The following FSTL4 variants were observed in gnomAD, a reference collection of about 807,000 sequenced individuals.
FSTL4 encodes follistatin like 4, also known as follistatin-related protein 4.
Under a neutral mutation model 78.2 loss-of-function variants are expected in FSTL4, and 28 were observed. The ratio of observed to expected loss-of-function variants is 0.36; its 90% CI spans 0.27 to 0.49. FSTL4 has a LOEUF of 0.49. FSTL4 is among the 20% of genes least tolerant of loss of function. The pLI, the probability that FSTL4 is intolerant of heterozygous loss-of-function variation, is 0.98. For synonymous variants in FSTL4, 422 were observed against 440.5 expected (o/e 0.96, Z 0.53); for missense variants, 922 against 1,084.9 (o/e 0.85, Z 2.11).
chr5:133,814,979 C>T, the FSTL4 span, among the ~76,000 whole-genome samples: 1 of 152,186 alleles, frequency 6.6e-6, no homozygotes, highest in African/African-American at 2.4e-5. Flanking sequence ...AAATCCAGCT[C>T]GCATCAGAAC....
intron 4 of FSTL4, among the ~76,000 whole-genome samples, chr5:133,376,888 CAAA>C (rs56667792): frequency 9.9e-4 from 126 of 127,724 alleles, no homozygotes; most frequent in Admixed American, 1.2e-3. Flanking sequence ...GAGTCTGTCT[CAAA>C]AAAAAAAAAA....
chr5:133,224,853 A>G (rs1751274301), intron 10 of FSTL4, among the ~76,000 whole-genome samples: 1 of 152,212 alleles, frequency 6.6e-6, no homozygotes, highest in African/African-American at 2.4e-5. Flanking sequence ...CAGGGCATAC[A>G]GCAAGTAAAA....
chr5:133,517,479 C>A (rs9968765), intron 3 of FSTL4, among the ~76,000 whole-genome samples: 5 of 55,550 alleles, frequency 9.0e-5, no homozygotes, highest in African/African-American at 4.0e-4. Flanking sequence ...CACACACACA[C>A]CACACACACA....
At chr5:133,599,832 C>A (rs1760818789) in intron 2 of FSTL4, among the ~76,000 whole-genome samples, 2 of 151,846 alleles carry the variant, frequency 1.3e-5, no homozygotes, top group Non-Finnish European at 1.5e-5. Flanking sequence ...CGCCACAGCA[C>A]CCAGGCTGCA....
chr5:133,429,007 C>T (rs1756882826), intron 3 of FSTL4, among the ~76,000 whole-genome samples: 1 of 152,218 alleles, frequency 6.6e-6, no homozygotes, highest in African/African-American at 2.4e-5. Flanking sequence ...GTTATTTCTT[C>T]CTGGCCCTAG....
At chr5:133,403,158 G>A (rs60389160) in intron 3 of FSTL4, among the ~76,000 whole-genome samples, 3,256 of 152,366 alleles carry the variant, frequency 0.021, 132 homozygotes, top group African/African-American at 0.075. Context: ...GACAGGGCCA[G>A]GACGCAGAGC....
At chr5:133,360,265 C>A (rs1755039963) in intron 4 of FSTL4, among the ~76,000 whole-genome samples, 1 of 152,206 alleles carries the variant, frequency 6.6e-6, no homozygotes, top group Non-Finnish European at 1.5e-5. Flanking sequence ...GTTCCTTGAC[C>A]TTTTAAAGCC....
intron 3 of FSTL4, among the ~76,000 whole-genome samples, chr5:133,533,977 A>G (rs1485240380): frequency 2.6e-5 from 4 of 152,014 alleles, no homozygotes; most frequent in Non-Finnish European, 5.9e-5. Context: ...AATACTGTAC[A>G]TTGGGCCTAA....
chr5:133,522,661 G>T, intron 3 of FSTL4, among the ~76,000 whole-genome samples: 1 of 152,172 alleles, frequency 6.6e-6, no homozygotes, highest in East Asian at 1.9e-4. Context: ...TTTAAATTAA[G>T]CTAATTGATT....
In FSTL4 at chr5:133,467,682, G is replaced by A. The variant is rs1757744707; in HGVS notation, c.161-66696C>T. On this transcript the variant is annotated intron_variant, in intron 3 of 15. Coordinates refer to ENST00000265342, the MANE Select transcript of FSTL4 (RefSeq NM_015082.2). ...GCAGGCAAGGGGGAGAGAAGGGCAG[G>A]AGTTCCCTCAGAGAAGCCAGGAGTA... Among the ~76,000 whole-genome samples, 4 of 152,152 alleles carry A rather than the reference G, an allele frequency of 2.6e-5. No homozygotes were observed. The South Asian group carries it at 8.3e-4, about 32-fold the overall frequency.
intron 4 of FSTL4, among the ~76,000 whole-genome samples, chr5:133,363,292 G>T (rs951485914): frequency 6.6e-6 from 1 of 152,162 alleles, no homozygotes; most frequent in Non-Finnish European, 1.5e-5. Context: ...TTCCATGAGT[G>T]GGGGTGTTCC....
chr5:133,443,806 G>C lies in FSTL4; in HGVS notation c.161-42820C>G, dbSNP rs144498779. Among the ~76,000 whole-genome samples the C allele has an allele frequency of 3.2e-3, 482 of 152,278 alleles. 3 individuals are homozygous for C. Among genetic ancestry groups the C allele is most frequent in the African/African-American group, 0.011 (452 of 41,552 alleles). ...CACCATATTCCAGCCACACTTCACTGTCTGCGGAAACCCACTACCCCATAT... is the reference window on the plus strand; with the variant it reads ...CACCATATTCCAGCCACACTTCACTCTCTGCGGAAACCCACTACCCCATAT... On this transcript the variant is annotated intron_variant, in intron 3 of 15. Coordinates refer to ENST00000265342, the MANE Select transcript of FSTL4 (RefSeq NM_015082.2).
chr5:133,738,163 C>T, the FSTL4 span, among the ~76,000 whole-genome samples: 20 of 152,176 alleles, frequency 1.3e-4, no homozygotes, highest in Non-Finnish European at 2.1e-4. Flanking sequence ...GGACTTCTAC[C>T]TCCCAACATC....
chr5:133,636,175 C>G, the FSTL4 span, among the ~76,000 whole-genome samples: 1 of 152,164 alleles, frequency 6.6e-6, no homozygotes, highest in Non-Finnish European at 1.5e-5. Context: ...ATATTCAAGG[C>G]AAGACCAAGA....
At chr5:133,810,121 G>A in the FSTL4 span, among the ~76,000 whole-genome samples, 1 of 152,238 alleles carries the variant, frequency 6.6e-6, no homozygotes, top group Non-Finnish European at 1.5e-5. Context: ...GGGAGAGCCT[G>A]GGAATGACAC....
Position 133,363,805 on chromosome 5 carries a change from T to C in FSTL4, c.409+36933A>G, listed in dbSNP as rs931575038. ...TTCACATCCCAAGGGTTGTCTAAAA[T>C]GAGGGCTGCCCACACCCTGCCCACC... On this transcript the variant is annotated intron_variant, in intron 4 of 15. Transcript: ENST00000265342. 1.8e-4 allele frequency among the ~76,000 whole-genome samples: 27 copies of C among 152,110 alleles called. 1 individual carries two copies. Among genetic ancestry groups the C allele is most frequent in the Non-Finnish European group, 4.4e-5 (3 of 68,018 alleles).
chr5:133,515,784 G>A (rs1758840595), intron 3 of FSTL4, among the ~76,000 whole-genome samples: 1 of 151,782 alleles, frequency 6.6e-6, no homozygotes, highest in East Asian at 1.9e-4. Flanking sequence ...ATATTTGTTG[G>A]CAAAGTGAAT....
chr5:133,203,854 C>A (rs754532553), intron 14 of FSTL4, among the ~76,000 whole-genome samples: 1 of 152,222 alleles, frequency 6.6e-6, no homozygotes, highest in African/African-American at 2.4e-5. Context: ...TTCATCAAAA[C>A]GCAGTGCCAT....
At chr5:133,595,994 C>A (rs937871685) in intron 2 of FSTL4, among the ~76,000 whole-genome samples, 8 of 152,202 alleles carry the variant, frequency 5.3e-5, no homozygotes, top group African/African-American at 1.4e-4. Flanking sequence ...ACAGGAAAAA[C>A]CAATTGTGGG....
Sources: gnomAD v4.1 joint callset for allele counts (sites outside exome capture counted in the v4.1 genomes callset) on GRCh38, gnomAD v4.1.1 for gene constraint, MANE v1.5 for transcripts, NCBI Gene and HGNC (gene_info 2026-07-23, HGNC 2026-07-21) for gene names.